The following WDFY4 variants were observed in gnomAD, a reference collection of about 807,000 sequenced individuals.
WDFY4 encodes WD repeat- and FYVE domain-containing protein 4.
Under a neutral mutation model 351.9 loss-of-function variants are expected in WDFY4, and 169 were observed. That is an observed-to-expected ratio of 0.48 (90% CI 0.42 to 0.55). WDFY4 has a LOEUF of 0.55. Ranked by LOEUF, WDFY4 falls within the 20% of genes least tolerant of loss-of-function variation. WDFY4 has a pLI of 0.00. For missense variants in WDFY4, 3,803 were observed against 3,935.6 expected (o/e 0.97, Z 0.90); for synonymous variants, 1,622 against 1,574.6 (o/e 1.03, Z -0.71).
intron 39 of WDFY4, among the ~76,000 whole-genome samples, chr10:48,854,531 A>G (rs1458039888): frequency 6.6e-6 from 1 of 152,160 alleles, no homozygotes; most frequent in East Asian, 1.9e-4. Context: ...TCCTAGCTTC[A>G]TAACATCTCA....
intron 1 of WDFY4, among the ~76,000 whole-genome samples, chr10:48,692,358 G>A (rs923979378): frequency 6.6e-6 from 1 of 152,046 alleles, no homozygotes; most frequent in African/African-American, 2.4e-5. Context: ...GCCCCTAGGT[G>A]AGTCTACACC....
chr10:48,957,035 T>G (rs1841624062), intron 51 of WDFY4, 94 bp from the exon 52 acceptor site: 1 of 1,463,728 alleles, frequency 6.8e-7, no homozygotes, highest in Non-Finnish European at 9.1e-7. Context: ...GAGCTAATGG[T>G]GGAACCCGTG....
At chr10:48,745,753 T>C in intron 12 of WDFY4, 1 of 519,672 alleles carries the variant, frequency 1.9e-6, no homozygotes. Flanking sequence ...TCTTGTGGGC[T>C]TCAGATGCAC....
chr10:48,697,320 G>A (rs1416735604), intron 1 of WDFY4, among the ~76,000 whole-genome samples: 1 of 152,216 alleles, frequency 6.6e-6, no homozygotes, highest in African/African-American at 2.4e-5. Flanking sequence ...ACATCTCTGG[G>A]CATCACAGAG....
intron 39 of WDFY4, among the ~76,000 whole-genome samples, chr10:48,862,277 C>G (rs2069370950): frequency 1.3e-5 from 2 of 152,108 alleles, no homozygotes; most frequent in Non-Finnish European, 2.9e-5. Context: ...TTTTATTAAA[C>G]AGATTTATTT....
At chr10:48,768,540 T>A (rs1244253396) in intron 13 of WDFY4, among the ~76,000 whole-genome samples, 1 of 152,190 alleles carries the variant, frequency 6.6e-6, no homozygotes, top group Non-Finnish European at 1.5e-5. Context: ...CATTGGCACA[T>A]CACTCTTTCT....
rs1276946057 is a variant in WDFY4 at position 48,694,705 on chromosome 10, C to T, written c.-18+9704C>T. Among the ~76,000 whole-genome samples, 3 of 152,254 alleles carry T rather than the reference C, an allele frequency of 2.0e-5. No individual in the cohort carries two copies. In the East Asian group the frequency reaches 5.8e-4, roughly 29 times the overall value. On this transcript the variant is annotated intron_variant, in intron 1 of 61. Coordinates refer to ENST00000325239, the MANE Select transcript of WDFY4 (RefSeq NM_001394531.1). The stretch of plus-strand genomic sequence containing the variant: ...GCCCTCTCACCATGCACTCACTCAA[C>T]CCCTGAGCCCCTGTCCCTGCTTTTT...
At chr10:48,810,959 T>G (rs1338702270) in intron 29 of WDFY4, among the ~76,000 whole-genome samples, 1 of 152,084 alleles carries the variant, frequency 6.6e-6, no homozygotes, top group Non-Finnish European at 1.5e-5. Context: ...CTGCCTTCCA[T>G]TCCTCCCACC....
Position 48,982,621 on chromosome 10 carries a change from G to T in WDFY4, c.*46G>T. On this transcript the variant is annotated 3_prime_UTR_variant, in exon 62 of 62. Transcript: ENST00000325239. Reference sequence around the variant, plus strand: ...CTCTGGCACAACAGTGCCAGGCTGAGGGTGGCAGAGGTGACTGGGGCCTGA... The same window carrying T: ...CTCTGGCACAACAGTGCCAGGCTGATGGTGGCAGAGGTGACTGGGGCCTGA... 1 of 1,536,720 alleles carries T rather than the reference G, an allele frequency of 6.5e-7. No homozygotes were observed. Among genetic ancestry groups the T allele is most frequent in the Non-Finnish European group, 8.8e-7 (1 of 1,135,434 alleles).
At chr10:48,687,716 G>A (rs1417987242) in intron 1 of WDFY4, among the ~76,000 whole-genome samples, 1 of 145,822 alleles carries the variant, frequency 6.9e-6, no homozygotes, top group Non-Finnish European at 1.5e-5. Flanking sequence ...CCAGGTTCAA[G>A]CAATTATCCT....
chr10:48,772,345 T>C (rs982727247), intron 13 of WDFY4, among the ~76,000 whole-genome samples: 6 of 151,944 alleles, frequency 3.9e-5, no homozygotes, highest in African/African-American at 1.5e-4. Flanking sequence ...CACACAGGCA[T>C]GTATGGTGTG....
At chr10:48,868,677 TG>T (rs2069645277) in intron 40 of WDFY4, among the ~76,000 whole-genome samples, 2 of 152,212 alleles carry the variant, frequency 1.3e-5, no homozygotes, top group Non-Finnish European at 2.9e-5. Flanking sequence ...CATCCTTTAT[TG>T]GTGGACATCC....
Position 48,786,729 on chromosome 10 carries a change from G to A in WDFY4, c.3667G>A (p.Val1223Ile). 1 of 1,552,272 alleles carries A rather than the reference G, an allele frequency of 6.4e-7. No individual in the cohort carries two copies. The highest frequency in any genetic ancestry group is 1.2e-5 in the South Asian group (1 of 84,054). The change falls in exon 20 of 62, where the codon GTC becomes ATC. Residue 1223 changes from valine to isoleucine, a missense_variant. By Grantham distance (29) the Val-to-Ile change is conservative. Coordinates refer to ENST00000325239, the MANE Select transcript of WDFY4 (RefSeq NM_001394531.1). ...DVYGYIATPRVWKQKSSLIWR... is the reference protein window; with the variant it reads ...DVYGYIATPRIWKQKSSLIWR... The stretch of plus-strand genomic sequence containing the variant: ...TTATGGATATATTGCTACTCCTCGA[G>A]TCTGGAAACAAAAGTCTTCATTAAT...
At chr10:48,719,860 G>C (rs1201673191) in intron 2 of WDFY4, 151 bp from the exon 3 acceptor site, 1 of 646,290 alleles carries the variant, frequency 1.5e-6, no homozygotes, top group East Asian at 2.9e-5. Context: ...GGTTGAGGCT[G>C]TGAGGGTGGG....
intron 2 of WDFY4, among the ~76,000 whole-genome samples, chr10:48,715,945 G>A (rs529533165): frequency 5.7e-4 from 87 of 151,950 alleles, no homozygotes; most frequent in Admixed American, 2.1e-3. Flanking sequence ...CACCGCGCCC[G>A]GCCACCAACA....
At chr10:48,855,641 A>G (rs938817832) in intron 39 of WDFY4, among the ~76,000 whole-genome samples, 24 of 152,048 alleles carry the variant, frequency 1.6e-4, no homozygotes, top group African/African-American at 5.8e-4. Flanking sequence ...TTTTAAAATG[A>G]TGCATGTGCT....
chr10:48,708,558 T>A (rs977982399), intron 1 of WDFY4, among the ~76,000 whole-genome samples: 1 of 152,254 alleles, frequency 6.6e-6, no homozygotes, highest in African/African-American at 2.4e-5. Flanking sequence ...GAGAGTTTAC[T>A]GAACTGCAGA....
In WDFY4 at chr10:48,733,954, G is replaced by A. The variant is rs2064557596; in HGVS notation, c.1606G>A (p.Val536Ile). Reference sequence around the variant, plus strand: ...AGGAAACAAAGTGTCCACTCCTGGTGTTCAGGATCCAGAAAGAGAACTCAC... The same window carrying A: ...AGGAAACAAAGTGTCCACTCCTGGTATTCAGGATCCAGAAAGAGAACTCAC... ...KSGNKVSTPG[V>I]QDPERELTCV... The change falls in exon 10 of 62, where the codon GTT becomes ATT. Residue 536 changes from valine (V) to isoleucine (I), a missense_variant. Coordinates refer to ENST00000325239, the MANE Select transcript of WDFY4 (RefSeq NM_001394531.1). 4 of 1,551,730 alleles carry A rather than the reference G, an allele frequency of 2.6e-6. No homozygotes were observed. The highest frequency in any genetic ancestry group is 3.5e-6 in the Non-Finnish European group (4 of 1,146,998).
chr10:48,820,519 G>A (rs891495815), intron 33 of WDFY4, 82 bp downstream of exon 33: 11 of 1,428,824 alleles, frequency 7.7e-6, no homozygotes, highest in Middle Eastern at 1.9e-4. Flanking sequence ...ATGCACCCAG[G>A]GAGACAGAGG....
Sources: allele counts gnomAD v4.1 joint callset (sites outside exome capture counted in the v4.1 genomes callset), GRCh38; gene constraint gnomAD v4.1.1; transcripts MANE v1.5; gene names NCBI Gene and HGNC (gene_info 2026-07-23, HGNC 2026-07-21).